The following CACNB2 variants were observed in gnomAD, a reference collection of about 807,000 sequenced individuals.
CACNB2 encodes the protein calcium voltage-gated channel auxiliary subunit beta 2, also known as voltage-dependent L-type calcium channel subunit beta-2.
A neutral mutation model predicts 73.3 loss-of-function variants in CACNB2; 42 were observed. The ratio of observed to expected loss-of-function variants is 0.57; its 90% CI spans 0.45 to 0.74. CACNB2 has a LOEUF of 0.74. Ranked by LOEUF, CACNB2 falls within the 30% of genes least tolerant of loss-of-function variation. CACNB2 has a pLI of 0.00. For synonymous variants in CACNB2, 348 were observed against 310.3 expected (o/e 1.12, Z -1.28); for missense variants, 940 against 853.0 (o/e 1.10, Z -1.27).
intron 2 of CACNB2, among the ~76,000 whole-genome samples, chr10:18,392,890 T>TA (rs1236931188): frequency 6.6e-6 from 1 of 152,164 alleles, no homozygotes; most frequent in Admixed American, 6.5e-5. Context: ...AGTTTGTATA[T>TA]AAAAAATTAT....
At chr10:18,499,637 A>AGAAG (rs1554831783) in intron 4 of CACNB2, among the ~76,000 whole-genome samples, 1 of 92,540 alleles carries the variant, frequency 1.1e-5, no homozygotes, top group Non-Finnish European at 2.3e-5. Context: ...AAAAAAAAAA[A>AGAAG]AAGAACCTAG....
intron 3 of CACNB2, among the ~76,000 whole-genome samples, chr10:18,416,242 A>T (rs1180785160): frequency 6.6e-6 from 1 of 152,188 alleles, no homozygotes; most frequent in Non-Finnish European, 1.5e-5. Flanking sequence ...TTATCTCAGC[A>T]TGATATCCTC....
chr10:18,304,354 A>T (rs1219295655), intron 2 of CACNB2, among the ~76,000 whole-genome samples: 1 of 152,212 alleles, frequency 6.6e-6, no homozygotes, highest in South Asian at 2.1e-4. Flanking sequence ...CAAATGAGGA[A>T]ATGAACTATG....
rs375435284 is a variant in CACNB2 at position 18,255,796 on chromosome 10, T to C, written c.213+104821T>C. ...TGTCAGAAGACGGACCCTTCTTTCC[T>C]AAAATCGCAGCCACAGAAAAGCCAG... On this transcript the variant is annotated intron_variant, in intron 2 of 13. Transcript: ENST00000324631. Among the ~76,000 whole-genome samples the C allele has an allele frequency of 1.9e-3, 295 of 152,346 alleles. 1 individual carries two copies. The highest frequency in any genetic ancestry group is 6.9e-3 in the African/African-American group (288 of 41,580).
At chr10:18,185,751 A>T (rs143820348) in intron 2 of CACNB2, among the ~76,000 whole-genome samples, 5 of 152,118 alleles carry the variant, frequency 3.3e-5, no homozygotes, top group South Asian at 2.1e-4. Context: ...TTCTTTGCAT[A>T]CCCAGCACAT....
Position 18,302,961 on chromosome 10 carries a change from G to A in CACNB2, c.214-98963G>A, listed in dbSNP as rs528746074. On this transcript the variant is annotated intron_variant, in intron 2 of 13. Transcript: ENST00000324631. ...GTGTAATCTGTGCTGAACAGAGATC[G>A]CATCTCTCTTCATAAAGCTCTTTTA... is the stretch of plus-strand genomic sequence containing the variant. Among the ~76,000 whole-genome samples, 254 of 152,202 alleles carry A rather than the reference G, an allele frequency of 1.7e-3. 1 individual carries two copies. The highest frequency in any genetic ancestry group is 2.9e-3 in the Non-Finnish European group (198 of 68,016).
chr10:18,402,031 G>A lies in CACNB2; in HGVS notation c.321G>A (p.Leu107=). The part of the protein sequence containing the change: ...REAERQAQAQ[L]EKAKTKPVAF... ...CGGAGCGGCAGGCCCAGGCACAGTT[G>A]GAAAAAGCAAAGGTAAAATCGTTTC... Residue 107 remains leucine (L), a synonymous_variant, in exon 3 of 14, where the codon TTG becomes TTA. Transcript: ENST00000324631. 6.2e-7 allele frequency: 1 copy of A among 1,613,858 alleles called. No homozygotes were observed. The highest frequency in any genetic ancestry group is 8.5e-7 in the Non-Finnish European group (1 of 1,179,950).
intron 3 of CACNB2, among the ~76,000 whole-genome samples, chr10:18,475,235 C>G (rs989945145): frequency 1.3e-5 from 2 of 151,882 alleles, no homozygotes; most frequent in African/African-American, 4.8e-5. Flanking sequence ...TTTATGGAAG[C>G]TTTGTTACTT....
At chr10:18,518,589 G>T (rs990160474) in intron 8 of CACNB2, among the ~76,000 whole-genome samples, 173 bp downstream of exon 8, 1 of 152,196 alleles carries the variant, frequency 6.6e-6, no homozygotes, top group Non-Finnish European at 1.5e-5. Context: ...ACACTGCTTC[G>T]TCCTTTTTCT....
At chr10:18,286,178 C>A (rs2038779637) in intron 2 of CACNB2, among the ~76,000 whole-genome samples, 1 of 152,044 alleles carries the variant, frequency 6.6e-6, no homozygotes, top group South Asian at 2.1e-4. Flanking sequence ...AAAGTTGATC[C>A]CACAAAGAAT....
At chr10:18,233,705 T>C (rs575427055) in intron 2 of CACNB2, among the ~76,000 whole-genome samples, 49 of 152,176 alleles carry the variant, frequency 3.2e-4, no homozygotes, top group Non-Finnish European at 7.2e-4. Context: ...GCATTGTCTG[T>C]CTGAACTTTT....
In CACNB2 at chr10:18,173,044, C is replaced by T. The variant is rs544451502; in HGVS notation, c.213+22069C>T. On this transcript the variant is annotated intron_variant, in intron 2 of 13. Transcript: ENST00000324631. Reference sequence around the variant, plus strand: ...CAAGTGATTCTCCTGCCTCAGCCTACCGAGTAGCTGGGATTACAGGAGTGC... The same window carrying T: ...CAAGTGATTCTCCTGCCTCAGCCTATCGAGTAGCTGGGATTACAGGAGTGC... Among the ~76,000 whole-genome samples, 5 of 151,642 alleles carry T rather than the reference C, an allele frequency of 3.3e-5. No individual in the cohort carries two copies. The South Asian group carries it at 1.0e-3, about 32-fold the overall frequency.
chr10:18,461,346 A>G (rs961804407), intron 3 of CACNB2, among the ~76,000 whole-genome samples: 1 of 152,140 alleles, frequency 6.6e-6, no homozygotes, highest in Non-Finnish European at 1.5e-5. Context: ...TCTTGCTGTA[A>G]CAGATCACTC....
intron 3 of CACNB2, among the ~76,000 whole-genome samples, chr10:18,462,446 G>A (rs1466265381): frequency 6.6e-6 from 1 of 152,086 alleles, no homozygotes; most frequent in Non-Finnish European, 1.5e-5. Context: ...TAGAGATGGG[G>A]TCTTGCTATG....
chr10:18,515,712 G>C (rs2051208435), intron 7 of CACNB2, among the ~76,000 whole-genome samples: 1 of 152,160 alleles, frequency 6.6e-6, no homozygotes, highest in South Asian at 2.1e-4. Flanking sequence ...TCTGGGGTCC[G>C]ATCTTCTTGT....
chr10:18,520,230 C>A (rs1253891150), intron 9 of CACNB2, among the ~76,000 whole-genome samples: 1 of 152,196 alleles, frequency 6.6e-6, no homozygotes, highest in Non-Finnish European at 1.5e-5. Flanking sequence ...CCAAAACTTA[C>A]TCCTCCCATG....
intron 3 of CACNB2, among the ~76,000 whole-genome samples, chr10:18,471,969 A>G (rs2048207890): frequency 6.6e-6 from 1 of 152,136 alleles, no homozygotes; most frequent in Non-Finnish European, 1.5e-5. Context: ...CTGCATGTAA[A>G]GTAACAAATA....
intron 2 of CACNB2, among the ~76,000 whole-genome samples, chr10:18,288,383 G>C (rs1356999894): frequency 3.9e-5 from 6 of 152,078 alleles, no homozygotes; most frequent in Non-Finnish European, 8.8e-5. Context: ...GTTTGTGCTG[G>C]ATATCCCTTT....
intron 2 of CACNB2, among the ~76,000 whole-genome samples, chr10:18,153,548 G>A (rs1208403145): frequency 6.9e-6 from 1 of 145,808 alleles, no homozygotes; most frequent in African/African-American, 2.6e-5. Context: ...GTGACAATGG[G>A]CACACTAGAT....
Sources: gnomAD v4.1 joint callset for allele counts (sites outside exome capture counted in the v4.1 genomes callset) on GRCh38, gnomAD v4.1.1 for gene constraint, MANE v1.5 for transcripts, NCBI Gene and HGNC (gene_info 2026-07-23, HGNC 2026-07-21) for gene names.